Variants in KCNIP4 observed in about 807,000 individuals in gnomAD.
The protein encoded by KCNIP4 is potassium voltage-gated channel interacting protein 4.
In KCNIP4, 12 loss-of-function variants were observed where a neutral mutation model predicts 34.0. That is an observed-to-expected ratio of 0.35 (90% CI 0.23 to 0.57). The LOEUF (loss-of-function observed/expected upper bound fraction) is 0.57. KCNIP4 is among the 20% of genes least tolerant of loss of function. KCNIP4 has a pLI of 0.83. For synonymous variants in KCNIP4, 124 were observed against 102.2 expected (o/e 1.21, Z -1.29); for missense variants, 238 against 311.7 (o/e 0.76, Z 1.78).
chr4:21,832,529 C>A (rs1038152106), intron 1 of KCNIP4, among the ~76,000 whole-genome samples: 3 of 152,046 alleles, frequency 2.0e-5, no homozygotes, highest in Non-Finnish European at 2.9e-5. Context: ...GAAACCCACT[C>A]TCAATCCAAA....
chr4:21,333,791 T>C (rs1715889114), intron 1 of KCNIP4, among the ~76,000 whole-genome samples: 1 of 152,096 alleles, frequency 6.6e-6, no homozygotes, highest in Non-Finnish European at 1.5e-5. Flanking sequence ...CCTGCCGTAA[T>C]AAATTAAAGA....
chr4:21,862,139 C>A (rs988887235), intron 1 of KCNIP4, among the ~76,000 whole-genome samples: 1 of 152,188 alleles, frequency 6.6e-6, no homozygotes, highest in African/African-American at 2.4e-5. Flanking sequence ...AGCAAGGTGG[C>A]CTTGCTGGCC....
At chr4:21,709,631 A>C (rs1660930822) in intron 1 of KCNIP4, among the ~76,000 whole-genome samples, 1 of 152,214 alleles carries the variant, frequency 6.6e-6, no homozygotes, top group Non-Finnish European at 1.5e-5. Flanking sequence ...TCATCAACAA[A>C]AAAAACAGGT....
intron 1 of KCNIP4, among the ~76,000 whole-genome samples, chr4:21,774,996 ATGT>A (rs767325148): frequency 6.6e-6 from 1 of 151,958 alleles, no homozygotes; most frequent in African/African-American, 2.4e-5. Context: ...TGATGGAGAG[ATGT>A]TGTGATCATC....
At chr4:21,111,238 A>G (rs1322103970) in intron 1 of KCNIP4, among the ~76,000 whole-genome samples, 1 of 152,206 alleles carries the variant, frequency 6.6e-6, no homozygotes, top group Non-Finnish European at 1.5e-5. Flanking sequence ...GGAGAAAGAG[A>G]GAACGAAAGA....
intron 1 of KCNIP4, among the ~76,000 whole-genome samples, chr4:21,547,797 G>A (rs1226661032): frequency 1.3e-5 from 2 of 152,040 alleles, no homozygotes; most frequent in Non-Finnish European, 2.9e-5. Flanking sequence ...TTTATAGCTT[G>A]GGGATGAGTT....
chr4:21,247,738 A>T (rs1053628926), intron 1 of KCNIP4, among the ~76,000 whole-genome samples: 4 of 111,472 alleles, frequency 3.6e-5, no homozygotes, highest in Non-Finnish European at 6.9e-5. Flanking sequence ...ACAGGTGGAT[A>T]TATATATATA....
intron 1 of KCNIP4, among the ~76,000 whole-genome samples, chr4:20,970,782 T>C (rs767763482): frequency 9.9e-5 from 15 of 152,218 alleles, no homozygotes; most frequent in Non-Finnish European, 4.4e-5. Context: ...AAATTCTGAG[T>C]AGCCTATTGT....
intron 3 of KCNIP4, among the ~76,000 whole-genome samples, chr4:20,831,376 A>G (rs1025702705): frequency 1.3e-5 from 2 of 152,144 alleles, no homozygotes; most frequent in African/African-American, 4.8e-5. Context: ...TTCTCTTTGC[A>G]TTGAACCACA....
chr4:21,057,486 T>C (rs897182550), intron 1 of KCNIP4, among the ~76,000 whole-genome samples: 11 of 152,178 alleles, frequency 7.2e-5, no homozygotes, highest in Non-Finnish European at 5.9e-5. Flanking sequence ...TACACCTTAT[T>C]TGATTACCTC....
chr4:21,017,114 C>G (rs1023506903), intron 1 of KCNIP4, among the ~76,000 whole-genome samples: 1 of 152,118 alleles, frequency 6.6e-6, no homozygotes, highest in Non-Finnish European at 1.5e-5. Context: ...CTTGCTCTAC[C>G]CATGGACTAG....
intron 1 of KCNIP4, among the ~76,000 whole-genome samples, chr4:21,136,034 C>T (rs1440877928): frequency 6.6e-6 from 1 of 152,016 alleles, no homozygotes; most frequent in Non-Finnish European, 1.5e-5. Context: ...AATATTTTAC[C>T]ACGGGTTTTA....
chr4:21,072,415 G>T (rs910824965), intron 1 of KCNIP4, among the ~76,000 whole-genome samples: 7 of 151,938 alleles, frequency 4.6e-5, no homozygotes, highest in Non-Finnish European at 8.8e-5. Flanking sequence ...ATTTTTTCAT[G>T]TGTCTGTTGG....
chr4:21,441,444 C>T (rs1053476863), intron 1 of KCNIP4, among the ~76,000 whole-genome samples: 3 of 151,918 alleles, frequency 2.0e-5, no homozygotes, highest in Admixed American at 6.6e-5. Context: ...CGCCCGGCCA[C>T]GACACCTTTC....
At chr4:21,776,722 C>T (rs567136771) in intron 1 of KCNIP4, among the ~76,000 whole-genome samples, 1 of 152,158 alleles carries the variant, frequency 6.6e-6, no homozygotes, top group South Asian at 2.1e-4. Context: ...GGACAGCTTC[C>T]TTCATGCTGT....
At chr4:21,273,063 T>C (rs1400294513) in intron 1 of KCNIP4, among the ~76,000 whole-genome samples, 1 of 152,188 alleles carries the variant, frequency 6.6e-6, no homozygotes, top group Non-Finnish European at 1.5e-5. Flanking sequence ...AAGGTACTGC[T>C]TTGTTGACAA....
chr4:21,128,055 T>G (rs1750762635), intron 1 of KCNIP4, among the ~76,000 whole-genome samples: 1 of 152,238 alleles, frequency 6.6e-6, no homozygotes, highest in Non-Finnish European at 1.5e-5. Context: ...TCCTGGTCTG[T>G]TCCTGTTAAA....
chr4:20,968,133 T>C (rs1484561039), intron 1 of KCNIP4, among the ~76,000 whole-genome samples: 6 of 152,100 alleles, frequency 3.9e-5, no homozygotes, highest in Non-Finnish European at 8.8e-5. Flanking sequence ...AACAAACACT[T>C]CTCAAAAGAA....
Position 20,990,063 on chromosome 4 carries a change from G to T in KCNIP4, c.62-107354C>A, listed in dbSNP as rs930157548. Among the ~76,000 whole-genome samples the T allele has an allele frequency of 2.0e-5, 3 of 152,186 alleles. No homozygotes were observed. The South Asian group carries it at 6.2e-4, about 32-fold the overall frequency. ...AAATGAGATTGGATAGTTGGTGAAA[G>T]ATGCCACTTAACATCAGGACTTGAT... On this transcript the variant is annotated intron_variant, in intron 1 of 8. Transcript: ENST00000382152.
Sources: allele counts gnomAD v4.1 joint callset (sites outside exome capture counted in the v4.1 genomes callset), GRCh38; gene constraint gnomAD v4.1.1; transcripts MANE v1.5; gene names NCBI Gene and HGNC (gene_info 2026-07-23, HGNC 2026-07-21).